Variants in DLG2 observed in about 807,000 individuals in gnomAD.
DLG2 encodes discs large MAGUK scaffold protein 2, also known as disks large homolog 2.
In DLG2, 45 loss-of-function variants were observed where a neutral mutation model predicts 132.5. The ratio of observed to expected loss-of-function variants is 0.34; its 90% CI spans 0.27 to 0.44. The LOEUF is 0.44. DLG2 is among the 20% of genes least tolerant of loss of function. The pLI, the probability that DLG2 is intolerant of heterozygous loss-of-function variation, is 1.00. For synonymous variants in DLG2, 424 were observed against 419.6 expected (o/e 1.01, Z -0.13); for missense variants, 1,045 against 1,196.9 (o/e 0.87, Z 1.87).
At chr11:84,931,471 T>C (rs956947894) in intron 6 of DLG2, among the ~76,000 whole-genome samples, 1 of 152,186 alleles carries the variant, frequency 6.6e-6, no homozygotes, top group Non-Finnish European at 1.5e-5. Flanking sequence ...TCCAGCTCCA[T>C]CCATGTTCCT....
At chr11:83,722,769 G>T (rs150258474) in intron 18 of DLG2, among the ~76,000 whole-genome samples, 1 of 152,268 alleles carries the variant, frequency 6.6e-6, no homozygotes, top group African/African-American at 2.4e-5. Flanking sequence ...ATGTTTGGAT[G>T]CAAGTCTCTT....
intron 15 of DLG2, among the ~76,000 whole-genome samples, chr11:83,881,703 C>T (rs556051947): frequency 6.6e-6 from 1 of 152,246 alleles, no homozygotes; most frequent in South Asian, 2.1e-4. Flanking sequence ...GACCAATGTC[C>T]ACAGCAAGCA....
chr11:84,257,027 T>C (rs2097483533), intron 7 of DLG2, among the ~76,000 whole-genome samples: 2 of 152,236 alleles, frequency 1.3e-5, no homozygotes, highest in Admixed American at 1.3e-4. Context: ...GGGGTTACTA[T>C]GCACATACCC....
intron 8 of DLG2, among the ~76,000 whole-genome samples, chr11:84,209,387 T>A (rs1386297485): frequency 6.6e-6 from 1 of 152,104 alleles, no homozygotes; most frequent in Non-Finnish European, 1.5e-5. Context: ...CAATGCGGAA[T>A]CTCGGACTGA....
At chr11:84,583,377 G>T (rs1378407859) in intron 6 of DLG2, among the ~76,000 whole-genome samples, 1 of 152,188 alleles carries the variant, frequency 6.6e-6, no homozygotes, top group African/African-American at 2.4e-5. Flanking sequence ...TGCATTTCAT[G>T]TCTGTCATCT....
At chr11:84,907,410 A>G (rs958617322) in intron 6 of DLG2, among the ~76,000 whole-genome samples, 1 of 152,178 alleles carries the variant, frequency 6.6e-6, no homozygotes, top group African/African-American at 2.4e-5. Flanking sequence ...CAGGACATCA[A>G]AGGGAGTCTG....
chr11:84,691,947 T>A (rs1394602587), intron 6 of DLG2, among the ~76,000 whole-genome samples: 1 of 151,740 alleles, frequency 6.6e-6, no homozygotes, highest in Non-Finnish European at 1.5e-5. Flanking sequence ...TTCCTAACAT[T>A]CCCTGAACAT....
At chr11:85,521,035 G>C (rs2074267582) in intron 3 of DLG2, among the ~76,000 whole-genome samples, 2 of 152,144 alleles carry the variant, frequency 1.3e-5, no homozygotes, top group African/African-American at 4.8e-5. Flanking sequence ...AAGTTAAAAA[G>C]TTTCCGCATA....
At chr11:84,414,941 C>T (rs2098923935) in intron 7 of DLG2, among the ~76,000 whole-genome samples, 1 of 152,062 alleles carries the variant, frequency 6.6e-6, no homozygotes, top group Non-Finnish European at 1.5e-5. Flanking sequence ...GTTTGGGGAA[C>T]AGAGTATGGG....
At chr11:84,742,586 CTAT>C (rs2064830007) in intron 6 of DLG2, among the ~76,000 whole-genome samples, 1 of 152,260 alleles carries the variant, frequency 6.6e-6, no homozygotes, top group African/African-American at 2.4e-5. Flanking sequence ...ATAGCATTCC[CTAT>C]TATTAACATC....
intron 17 of DLG2, among the ~76,000 whole-genome samples, chr11:83,793,856 A>T (rs570805337): frequency 1.1e-4 from 16 of 152,316 alleles, no homozygotes; most frequent in African/African-American, 3.8e-4. Context: ...AAATTAACCA[A>T]CACAGAGTGC....
intron 6 of DLG2, among the ~76,000 whole-genome samples, chr11:84,714,301 C>G (rs1334987950): frequency 6.6e-6 from 1 of 152,088 alleles, no homozygotes; most frequent in African/African-American, 2.4e-5. Context: ...TCCTCTGCTA[C>G]CACTAATGTT....
intron 7 of DLG2, among the ~76,000 whole-genome samples, chr11:84,479,924 CA>C (rs1264481956): frequency 6.6e-6 from 1 of 151,988 alleles, no homozygotes; most frequent in Non-Finnish European, 1.5e-5. Context: ...ACTTAAGGGA[CA>C]AAAATAGCAA....
At chr11:84,720,499 T>G in intron 6 of DLG2, 2 of 984,908 alleles carry the variant, frequency 2.0e-6, no homozygotes, top group Non-Finnish European at 2.4e-6. Flanking sequence ...CTTCGATCAC[T>G]GCCCCCTGCA....
intron 11 of DLG2, among the ~76,000 whole-genome samples, chr11:84,040,315 T>C (rs985868190): frequency 6.6e-6 from 1 of 152,142 alleles, no homozygotes; most frequent in Non-Finnish European, 1.5e-5. Flanking sequence ...TCCTGAATGG[T>C]AATGCCTAGG....
chr11:84,263,865 T>G (rs1027663404), intron 7 of DLG2, among the ~76,000 whole-genome samples: 1 of 152,208 alleles, frequency 6.6e-6, no homozygotes, highest in African/African-American at 2.4e-5. Flanking sequence ...CAGTAATCTG[T>G]AATGTGCTTA....
chr11:83,544,906 C>T, intron 19 of DLG2, among the ~76,000 whole-genome samples: 1 of 152,252 alleles, frequency 6.6e-6, no homozygotes, highest in South Asian at 2.1e-4. Context: ...TGCCCTCTGG[C>T]CATGCTCACG....
chr11:83,588,525 C>T (rs2097132477), intron 19 of DLG2, among the ~76,000 whole-genome samples: 1 of 152,150 alleles, frequency 6.6e-6, no homozygotes, highest in Admixed American at 6.5e-5. Context: ...GTAGATAAAA[C>T]CACAACGATG....
intron 12 of DLG2, among the ~76,000 whole-genome samples, chr11:83,979,358 G>C (rs975804713): frequency 6.6e-6 from 1 of 152,174 alleles, no homozygotes; most frequent in Non-Finnish European, 1.5e-5. Context: ...GCTCCTTGCA[G>C]ACAGATTAGA....
Sources: gnomAD v4.1 joint callset for allele counts (sites outside exome capture counted in the v4.1 genomes callset) on GRCh38, gnomAD v4.1.1 for gene constraint, MANE v1.5 for transcripts, NCBI Gene and HGNC (gene_info 2026-07-23, HGNC 2026-07-21) for gene names.